The following ATP2B2 variants were observed in gnomAD, a reference collection of about 807,000 sequenced individuals.
ATP2B2 encodes ATPase plasma membrane Ca2+ transporting 2.
In ATP2B2, 15 loss-of-function variants were observed where a neutral mutation model predicts 120.0. The ratio of observed to expected loss-of-function variants is 0.12; its 90% CI spans 0.08 to 0.19. ATP2B2 has a LOEUF of 0.19. Among genes scored for constraint, ATP2B2 ranks in the 10% least tolerant of loss-of-function variants. The probability of loss-of-function intolerance (pLI) is 1.00; values close to 1 mark genes in which losing one functional copy is unlikely to be tolerated. For missense variants in ATP2B2, 1,045 were observed against 1,719.8 expected, an observed-to-expected ratio of 0.61 and a Z score of 6.94; for synonymous variants, 694 against 700.3, an observed-to-expected ratio of 0.99 and a Z score of 0.14.
At chr3:10,673,859 A>C (rs958553513) in intron 1 of ATP2B2, among the ~76,000 whole-genome samples, 37 of 150,670 alleles carry the variant, frequency 2.5e-4, no homozygotes, top group Non-Finnish European at 3.7e-4. Flanking sequence ...GGAAGGAAGG[A>C]AGAGAAAGCA....
intron 1 of ATP2B2, among the ~76,000 whole-genome samples, chr3:10,704,138 C>G (rs1422815972): frequency 4.6e-5 from 7 of 152,240 alleles, no homozygotes; most frequent in Non-Finnish European, 1.0e-4. Flanking sequence ...TCTTAGGAAT[C>G]TCAAGTAAAA....
chr3:10,594,517 TG>T (rs1372343560), intron 2 of ATP2B2, among the ~76,000 whole-genome samples: 1 of 132,088 alleles, frequency 7.6e-6, no homozygotes. Context: ...AATTGAACAA[TG>T]AGAACACTTG....
chr3:10,326,936 C>T lies in ATP2B2; in HGVS notation c.*1878G>A, dbSNP rs1431922555. 1 of 398,704 alleles carries T rather than the reference C, an allele frequency of 2.5e-6. No individual in the cohort carries two copies. Among genetic ancestry groups the T allele is most frequent in the Non-Finnish European group, 4.4e-6 (1 of 226,046 alleles). The allele number at this position is 398,704 out of a possible 1,614,324, so 24.7% of individuals were successfully genotyped here. On this transcript the variant is annotated 3_prime_UTR_variant, in exon 23 of 23. Transcript: ENST00000360273. ...GAAGGGGCTGGGCTGACACAGCCAT[C>T]GTGAGGAGGGTCAGCATGAGGAATG... is the stretch of plus-strand genomic sequence containing the variant.
chr3:10,425,489 T>C (rs2063119588), intron 2 of ATP2B2, among the ~76,000 whole-genome samples: 3 of 152,152 alleles, frequency 2.0e-5, no homozygotes, highest in Admixed American at 1.3e-4. Context: ...TACCTGTGTA[T>C]CCCTGAGGGA....
chr3:10,394,692 G>A (rs1476932395), intron 5 of ATP2B2: 3 of 390,832 alleles, frequency 7.7e-6, no homozygotes, highest in Non-Finnish European at 1.6e-5. Context: ...GCAGGTCCTG[G>A]GATGTGGGCA....
At chr3:10,501,530 C>T (rs938641370) in intron 1 of ATP2B2, among the ~76,000 whole-genome samples, 1 of 152,080 alleles carries the variant, frequency 6.6e-6, no homozygotes, top group Non-Finnish European at 1.5e-5. Flanking sequence ...GCCACCACAC[C>T]CTGCTAATTT....
In ATP2B2 at chr3:10,356,319, G is replaced by A. The variant is rs557113873; in HGVS notation, c.2136+2372C>T. ...TTCTTCTGGAAATTGGGGTTTGTGC[G>A]GGAAGGTGTTTGGACTAGATCAGTC... On this transcript the variant is annotated intron_variant, in intron 14 of 22. Transcript: ENST00000360273. 1.4e-4 allele frequency among the ~76,000 whole-genome samples: 22 copies of A among 152,224 alleles called. No homozygotes were observed. In the East Asian group the frequency reaches 3.1e-3, roughly 21 times the overall value.
chr3:10,647,684 C>T (rs571020796), intron 1 of ATP2B2, among the ~76,000 whole-genome samples: 109 of 152,238 alleles, frequency 7.2e-4, no homozygotes, highest in Non-Finnish European at 1.3e-3. Context: ...AAGGAGAGGA[C>T]AGTAGATGTT....
intron 1 of ATP2B2, among the ~76,000 whole-genome samples, chr3:10,648,858 C>T (rs896327484): frequency 6.6e-6 from 1 of 152,204 alleles, no homozygotes; most frequent in Non-Finnish European, 1.5e-5. Context: ...GCCATACTGC[C>T]AGTCTTCTTC....
chr3:10,485,249 C>T (rs971332430), intron 1 of ATP2B2, among the ~76,000 whole-genome samples: 1 of 152,248 alleles, frequency 6.6e-6, no homozygotes, highest in African/African-American at 2.4e-5. Flanking sequence ...GTGGTTTTCT[C>T]ATTGAAGTCC....
intron 2 of ATP2B2, among the ~76,000 whole-genome samples, chr3:10,421,691 CCT>C (rs200255073): frequency 6.6e-6 from 1 of 152,148 alleles, no homozygotes; most frequent in Non-Finnish European, 1.5e-5. Context: ...CTCACAGTGG[CCT>C]CTCTGTGAGG....
intron 1 of ATP2B2, among the ~76,000 whole-genome samples, chr3:10,470,161 G>A (rs938231213): frequency 6.6e-6 from 1 of 152,130 alleles, no homozygotes; most frequent in East Asian, 1.9e-4. Context: ...TGTCTCTGAC[G>A]AGGAGGTTGA....
intron 3 of ATP2B2, among the ~76,000 whole-genome samples, chr3:10,408,615 G>T (rs913018072): frequency 6.6e-6 from 1 of 152,238 alleles, no homozygotes; most frequent in African/African-American, 2.4e-5. Context: ...ACAGACTCGG[G>T]TTGAAAATCC....
intron 12 of ATP2B2, among the ~76,000 whole-genome samples, chr3:10,364,474 G>A (rs2060985512): frequency 6.6e-6 from 1 of 152,178 alleles, no homozygotes; most frequent in Non-Finnish European, 1.5e-5. Flanking sequence ...ACTTTGGGAA[G>A]CTGAGGTGGG....
chr3:10,510,531 C>T (rs574180181), upstream of ATP2B2, among the ~76,000 whole-genome samples: 9 of 152,208 alleles, frequency 5.9e-5, no homozygotes, highest in Non-Finnish European at 1.2e-4. Context: ...CATATCTTCC[C>T]GGCCACACAG....
rs138216604 is a variant in ATP2B2, at chr3:10,687,720, G to A, written c.-460+20195C>T. Among the ~76,000 whole-genome samples, 762 of 152,220 alleles carry A rather than the reference G, an allele frequency of 5.0e-3. 8 individuals carry two copies. Among genetic ancestry groups the A allele is most frequent in the African/African-American group, 0.017 (692 of 41,522 alleles). On this transcript the variant is annotated intron_variant, in intron 1 of 21. Transcript: ENST00000646379. ...TCCTAAAAATACAAAAATTAGCCAGGCGTAGTGGTGCACACTTGTAATCCC... is the reference window on the plus strand; with the variant it reads ...TCCTAAAAATACAAAAATTAGCCAGACGTAGTGGTGCACACTTGTAATCCC...
chr3:10,375,970 G>C lies in ATP2B2; in HGVS notation c.1202-326C>G, dbSNP rs2061370605. Among the ~76,000 whole-genome samples the C allele has an allele frequency of 6.6e-6, 1 of 152,232 alleles. No homozygotes were observed. Among genetic ancestry groups the C allele is most frequent in the African/African-American group, 2.4e-5 (1 of 41,444 alleles). ...CACATAGTAGGTGCTCAAGAGATGT[G>C]TGCCGAGTGACTGTGTGAATAAAGG... On this transcript the variant is annotated intron_variant, in intron 10 of 22. Transcript: ENST00000360273. The surrounding 1 kb of genome is among the most constrained non-coding windows in gnomAD (Gnocchi z 4.2).
At chr3:10,361,212 G>C (rs1386086148) in intron 12 of ATP2B2, among the ~76,000 whole-genome samples, 1 of 152,122 alleles carries the variant, frequency 6.6e-6, no homozygotes, top group African/African-American at 2.4e-5. Context: ...TCAAATATGG[G>C]CAAGTTCATG....
chr3:10,393,279 G>A (rs988490029), intron 5 of ATP2B2, among the ~76,000 whole-genome samples: 5 of 152,222 alleles, frequency 3.3e-5, no homozygotes, highest in African/African-American at 9.6e-5. Flanking sequence ...CAGCGCCCAC[G>A]AAGGGAGAAG....
Sources: allele counts gnomAD v4.1 joint callset (sites outside exome capture counted in the v4.1 genomes callset), GRCh38; gene constraint gnomAD v4.1.1; non-coding constraint Gnocchi (gnomAD v3.1); transcripts MANE v1.5; gene names NCBI Gene and HGNC (gene_info 2026-07-23, HGNC 2026-07-21).